Variants in MFHAS1 observed in about 807,000 individuals in gnomAD.
MFHAS1 encodes the protein multifunctional ROCO family signaling regulator 1.
A neutral mutation model predicts 70.4 loss-of-function variants in MFHAS1; 50 were observed. The ratio of observed to expected loss-of-function variants is 0.71; its 90% CI spans 0.57 to 0.90. MFHAS1 has a LOEUF of 0.90. Among genes scored for constraint, MFHAS1 ranks in the 40% least tolerant of loss-of-function variants. The pLI is 0.00. For synonymous variants in MFHAS1, 952 were observed against 620.0 expected (o/e 1.54, Z -7.96); for missense variants, 1,795 against 1,347.6 (o/e 1.33, Z -5.20).
intron 1 of MFHAS1, among the ~76,000 whole-genome samples, chr8:8,882,343 T>C (rs1028283870): frequency 2.6e-5 from 4 of 152,098 alleles, no homozygotes; most frequent in Non-Finnish European, 4.4e-5. Flanking sequence ...TGAGCTCAGA[T>C]AGTGGCACTG....
intron 1 of MFHAS1, among the ~76,000 whole-genome samples, chr8:8,842,766 C>T (rs567297689): frequency 1.1e-4 from 17 of 152,154 alleles, no homozygotes; most frequent in South Asian, 4.1e-4. Context: ...ATGCCCTAAT[C>T]CTAGTAACCC....
chr8:8,817,102 ATAG>A (rs1405786562), intron 1 of MFHAS1, among the ~76,000 whole-genome samples: 1 of 152,188 alleles, frequency 6.6e-6, no homozygotes, highest in East Asian at 1.9e-4. Context: ...TGCTTTCAGT[ATAG>A]AAGCACACAG....
chr8:8,866,886 G>A (rs193291311), intron 1 of MFHAS1, among the ~76,000 whole-genome samples: 30 of 152,294 alleles, frequency 2.0e-4, no homozygotes, highest in Non-Finnish European at 3.4e-4. Context: ...GGAAAGAACC[G>A]TGTACTTGCA....
intron 1 of MFHAS1, among the ~76,000 whole-genome samples, chr8:8,816,103 G>A (rs965796860): frequency 3.3e-5 from 5 of 152,160 alleles, no homozygotes; most frequent in Non-Finnish European, 5.9e-5. Flanking sequence ...TCTAGACAAT[G>A]CAAGCTAAGC....
intron 2 of MFHAS1, 46 bp from the exon 3 acceptor site, chr8:8,786,101 C>A: frequency 6.7e-7 from 1 of 1,503,450 alleles, no homozygotes; most frequent in Non-Finnish European, 9.3e-7. Context: ...CAAAAACGTA[C>A]TGGACAATGC....
At chr8:8,889,713 G>A (rs1809913417) in intron 1 of MFHAS1, among the ~76,000 whole-genome samples, 1 of 152,184 alleles carries the variant, frequency 6.6e-6, no homozygotes, top group Admixed American at 6.5e-5. Flanking sequence ...TCAGTAAGAG[G>A]CTAACATCGG....
chr8:8,826,871 G>A (rs1807184288), intron 1 of MFHAS1, among the ~76,000 whole-genome samples: 1 of 152,126 alleles, frequency 6.6e-6, no homozygotes, highest in Admixed American at 6.5e-5. Context: ...CTGCCATAAG[G>A]AAACACACCC....
At chr8:8,818,591 G>T (rs766443860) in intron 1 of MFHAS1, among the ~76,000 whole-genome samples, 3 of 152,256 alleles carry the variant, frequency 2.0e-5, no homozygotes, top group African/African-American at 7.2e-5. Flanking sequence ...GCCAAATATG[G>T]ACCTTATAGG....
At chr8:8,798,748 T>G (rs981912010) in intron 1 of MFHAS1, among the ~76,000 whole-genome samples, 5 of 152,258 alleles carry the variant, frequency 3.3e-5, no homozygotes, top group South Asian at 4.1e-4. Context: ...ACTGCTGACT[T>G]GAAATTCTAG....
intron 1 of MFHAS1, among the ~76,000 whole-genome samples, chr8:8,802,777 G>C (rs957702988): frequency 2.0e-5 from 3 of 152,182 alleles, no homozygotes; most frequent in African/African-American, 7.2e-5. Context: ...GGGGGTGAAG[G>C]AGCAGGCTGT....
chr8:8,784,453 T>A lies in MFHAS1; in HGVS notation c.*1569A>T, dbSNP rs1805465205. 1 of 152,242 alleles carries A rather than the reference T, an allele frequency of 6.6e-6. No homozygotes were observed. The allele number at this position is 152,242 out of a possible 1,614,324, so 9.4% of individuals were successfully genotyped here. On this transcript the variant is annotated 3_prime_UTR_variant, in exon 3 of 3. Transcript: ENST00000276282. ...ATCGTCTGATCCCATTCGATTTTTA[T>A]CATCATAAGAAATCATTCTCTGAAC...
Position 8,890,082 on chromosome 8 carries a change from G to C in MFHAS1, c.2977C>G (p.Pro993Ala). 21 of 1,606,268 alleles carry C rather than the reference G, an allele frequency of 1.3e-5. No individual in the cohort carries two copies. The highest frequency in any genetic ancestry group is 1.8e-5 in the Non-Finnish European group (21 of 1,174,654). The change falls in exon 1 of 3, where the codon CCC (proline) becomes GCC (alanine). Residue 993 changes from proline (P) to alanine (A), a missense_variant. By Grantham distance (27) the Pro-to-Ala change is conservative. Transcript: ENST00000276282. ...TTACCTGGAAAAGCATGTGGATTGG[G>C]CGATCCTCTCTTAAGGCACTTAGAA... is the stretch of plus-strand genomic sequence containing the variant. ...LCSKCLKRGSPNPHAFPGELL... is the reference protein window; with the variant it reads ...LCSKCLKRGSANPHAFPGELL...
At chr8:8,854,563 T>C (rs1279675591) in intron 1 of MFHAS1, among the ~76,000 whole-genome samples, 1 of 150,432 alleles carries the variant, frequency 6.6e-6, no homozygotes, top group Non-Finnish European at 1.5e-5. Flanking sequence ...TGCATGCCTC[T>C]AGTCCCAGCA....
rs1809965324 is a variant in MFHAS1, at chr8:8,890,648, C to T, written c.2411G>A (p.Arg804Gln). ...LHGLLPAHVI[R>Q]LLLKPHVQAQ... The stretch of plus-strand genomic sequence containing the variant: ...CTGGACATGAGGCTTAAGCAGCAAC[C>T]GAATGACATGAGCTGGCAAGAGCCC... The change falls in exon 1 of 3, where the codon CGG becomes CAG. Residue 804 changes from arginine to glutamine, a missense_variant. By Grantham distance (43) the Arg-to-Gln change is conservative (BLOSUM62 1). Coordinates refer to ENST00000276282, the MANE Select transcript of MFHAS1 (RefSeq NM_004225.3). The T allele has an allele frequency of 6.2e-7, 1 of 1,613,578 alleles. No homozygotes were observed. The highest frequency in any genetic ancestry group is 8.5e-7 in the Non-Finnish European group (1 of 1,179,652).
chr8:8,795,217 A>G (rs1046998204), intron 2 of MFHAS1, among the ~76,000 whole-genome samples: 2 of 152,174 alleles, frequency 1.3e-5, no homozygotes, highest in African/African-American at 2.4e-5. Context: ...AAAAAAAGAG[A>G]CAGAAGAAAA....
At chr8:8,879,336 G>C (rs1042523928) in intron 1 of MFHAS1, among the ~76,000 whole-genome samples, 3 of 151,952 alleles carry the variant, frequency 2.0e-5, no homozygotes, top group Non-Finnish European at 2.9e-5. Flanking sequence ...GGGTGGCAGA[G>C]AGAGACTCCC....
intron 1 of MFHAS1, among the ~76,000 whole-genome samples, chr8:8,859,618 A>T (rs912107220): frequency 6.6e-6 from 1 of 152,080 alleles, no homozygotes; most frequent in Non-Finnish European, 1.5e-5. Flanking sequence ...TTCACCGATG[A>T]TTTACTTCCA....
chr8:8,879,981 G>T (rs930268903), intron 1 of MFHAS1, among the ~76,000 whole-genome samples: 3 of 152,194 alleles, frequency 2.0e-5, no homozygotes, highest in East Asian at 3.8e-4. Context: ...GCTCTATGCA[G>T]AAGACAAGAA....
At chr8:8,875,605 T>G (rs1356246880) in intron 1 of MFHAS1, among the ~76,000 whole-genome samples, 1 of 152,194 alleles carries the variant, frequency 6.6e-6, no homozygotes, top group Admixed American at 6.5e-5. Context: ...TTTTTTATGT[T>G]TTTTTGAGTC....
Sources: gnomAD v4.1 joint callset for allele counts (sites outside exome capture counted in the v4.1 genomes callset) on GRCh38, gnomAD v4.1.1 for gene constraint, MANE v1.5 for transcripts, NCBI Gene and HGNC (gene_info 2026-07-23, HGNC 2026-07-21) for gene names.